NAV2: variants seen among roughly 807,000 people sequenced by gnomAD.
The protein encoded by NAV2 is helicase, APC down-regulated 1.
NAV2 carries 54 observed loss-of-function variants against 223.2 expected under a neutral mutation model. The ratio of observed to expected loss-of-function variants is 0.24; its 90% CI spans 0.19 to 0.30. The LOEUF (loss-of-function observed/expected upper bound fraction) is 0.30, where lower values mean the gene tolerates loss of function less well. NAV2 is among the 10% of genes least tolerant of loss of function. The probability of loss-of-function intolerance (pLI) is 1.00; values close to 1 mark genes in which losing one functional copy is unlikely to be tolerated. For synonymous variants in NAV2, 1,279 were observed against 1,239.3 expected, an observed-to-expected ratio of 1.03 and a Z score of -0.67; for missense variants, 2,806 against 3,147.5, an observed-to-expected ratio of 0.89 and a Z score of 2.60.
intron 1 of NAV2, among the ~76,000 whole-genome samples, chr11:19,589,736 A>G (rs2046003028): frequency 6.6e-6 from 1 of 152,200 alleles, no homozygotes; most frequent in Non-Finnish European, 1.5e-5. Context: ...CCGATCAGCC[A>G]TCACAGCTCC....
intron 6 of NAV2, among the ~76,000 whole-genome samples, chr11:19,932,439 C>G (rs559164824): frequency 6.6e-6 from 1 of 152,224 alleles, no homozygotes; most frequent in East Asian, 1.9e-4. Flanking sequence ...CTGCCTCAGC[C>G]TCCCAAGTAG....
rs142019819 is a variant in NAV2 at position 20,052,756 on chromosome 11, A to G, written c.4482-1324A>G. Among the ~76,000 whole-genome samples the G allele has an allele frequency of 4.4e-3, 667 of 152,254 alleles. 3 individuals carry two copies. The highest frequency in any genetic ancestry group is 0.015 in the African/African-American group (636 of 41,566). On this transcript the variant is annotated intron_variant, in intron 17 of 37. Transcript: ENST00000349880. Reference sequence around the variant, plus strand: ...AGAAAACATTTCTGTGCTCCCTCTCACTCTGATTCTTCCTGTGTAGCTCAC... The same window carrying G: ...AGAAAACATTTCTGTGCTCCCTCTCGCTCTGATTCTTCCTGTGTAGCTCAC...
At chr11:19,914,366 A>G (rs2043593868) in intron 6 of NAV2, among the ~76,000 whole-genome samples, 1 of 152,046 alleles carries the variant, frequency 6.6e-6, no homozygotes, top group Non-Finnish European at 1.5e-5. Context: ...CAGGTCATGT[A>G]TCTTCATTCT....
intron 1 of NAV2, among the ~76,000 whole-genome samples, chr11:19,666,776 C>T (rs1298570364): frequency 6.6e-6 from 1 of 152,124 alleles, no homozygotes; most frequent in Non-Finnish European, 1.5e-5. Flanking sequence ...GTTTATCTAG[C>T]TCAATGAGAC....
chr11:19,747,075 GACA>G (rs2053426842), intron 1 of NAV2, among the ~76,000 whole-genome samples: 1 of 83,684 alleles, frequency 1.2e-5, no homozygotes, highest in Non-Finnish European at 2.3e-5. Flanking sequence ...CCCAGTGTGT[GACA>G]TTCCCCTTCC....
intron 1 of NAV2, among the ~76,000 whole-genome samples, chr11:19,761,186 C>T (rs1002489819): frequency 4.6e-5 from 7 of 151,934 alleles, no homozygotes; most frequent in Non-Finnish European, 1.0e-4. Flanking sequence ...GTCTGGAGGC[C>T]TTTTTTCTTG....
intron 1 of NAV2, among the ~76,000 whole-genome samples, chr11:19,465,624 C>A (rs77621197): frequency 0.019 from 2,959 of 152,210 alleles, 62 homozygotes; most frequent in East Asian, 0.065. Context: ...AGTGACCAGA[C>A]CAAATTTATA....
At chr11:19,654,690 G>T (rs2048068142) in intron 1 of NAV2, among the ~76,000 whole-genome samples, 1 of 152,236 alleles carries the variant, frequency 6.6e-6, no homozygotes, top group Non-Finnish European at 1.5e-5. Context: ...CTAGCCATAT[G>T]TAGAAAGCTG....
At chr11:19,832,393 A>C in intron 1 of NAV2, 91 bp from the exon 2 acceptor site, 2 of 870,788 alleles carry the variant, frequency 2.3e-6, no homozygotes, top group Non-Finnish European at 3.8e-6. Context: ...CCAATGGGAC[A>C]GTGGCCACTG....
chr11:19,688,815 A>G (rs577452621), intron 1 of NAV2, among the ~76,000 whole-genome samples: 125 of 152,334 alleles, frequency 8.2e-4, no homozygotes, highest in African/African-American at 3.0e-3. Context: ...CTATGAGTAT[A>G]GGCATGGTAT....
At chr11:20,076,391 A>C (rs2059756587) in intron 22 of NAV2, among the ~76,000 whole-genome samples, 1 of 152,238 alleles carries the variant, frequency 6.6e-6, no homozygotes, top group African/African-American at 2.4e-5. Flanking sequence ...ACATGGTGTC[A>C]GTCCTCATCA....
At chr11:19,371,937 C>G (rs532106140) in intron 1 of NAV2, among the ~76,000 whole-genome samples, 58 of 152,204 alleles carry the variant, frequency 3.8e-4, no homozygotes, top group African/African-American at 1.3e-3. Flanking sequence ...AGAACCACAT[C>G]TGGCTAATTT....
chr11:19,716,524 C>A (rs2050328208), intron 1 of NAV2, among the ~76,000 whole-genome samples: 1 of 152,134 alleles, frequency 6.6e-6, no homozygotes, highest in East Asian at 1.9e-4. Flanking sequence ...ACATTAATAG[C>A]CCGTAAATGA....
intron 1 of NAV2, among the ~76,000 whole-genome samples, chr11:19,618,112 A>G (rs1380370112): frequency 6.6e-6 from 1 of 152,240 alleles, no homozygotes; most frequent in African/African-American, 2.4e-5. Flanking sequence ...TATAAGACCC[A>G]TAAGGCAGAT....
At position 19,376,801 on chromosome 11, in the gene NAV2, C is replaced by T. The variant is rs1449132097; in HGVS notation, c.75+25774C>T. ...CACTTAGCCTGAGGTGGAGGGGAAG[C>T]TCAGAGTAAGGGAAGGCTTCCTGGA... On this transcript the variant is annotated intron_variant, in intron 1 of 37. Transcript: ENST00000360655. Among the ~76,000 whole-genome samples the T allele has an allele frequency of 2.0e-5, 3 of 152,174 alleles. No homozygotes were observed. In the East Asian group the frequency reaches 5.8e-4, roughly 29 times the overall value.
chr11:19,804,936 A>C (rs940530589), intron 1 of NAV2, among the ~76,000 whole-genome samples: 5 of 152,180 alleles, frequency 3.3e-5, no homozygotes, highest in African/African-American at 1.2e-4. Context: ...GGCTGGAAAG[A>C]GGTGGGTCTT....
At chr11:19,941,762 A>C (rs1263786858) in intron 8 of NAV2, among the ~76,000 whole-genome samples, 1 of 152,066 alleles carries the variant, frequency 6.6e-6, no homozygotes, top group Non-Finnish European at 1.5e-5. Context: ...CTTGGACAAA[A>C]TGTTGTTCCT....
At chr11:19,877,975 G>T (rs2062959208) in intron 4 of NAV2, among the ~76,000 whole-genome samples, 1 of 152,234 alleles carries the variant, frequency 6.6e-6, no homozygotes, top group Admixed American at 6.5e-5. Context: ...CAGGTGTGTG[G>T]CTCTCATTTG....
chr11:19,571,984 A>T (rs797003768), intron 1 of NAV2, among the ~76,000 whole-genome samples: 11 of 152,306 alleles, frequency 7.2e-5, no homozygotes, highest in African/African-American at 2.6e-4. Flanking sequence ...CTAAGCACTC[A>T]CTGTGTTAGG....
Sources: allele counts gnomAD v4.1 joint callset (sites outside exome capture counted in the v4.1 genomes callset), GRCh38; gene constraint gnomAD v4.1.1; transcripts MANE v1.5; gene names NCBI Gene and HGNC (gene_info 2026-07-23, HGNC 2026-07-21).